ELP1: variants seen among roughly 807,000 people sequenced by gnomAD.
The protein encoded by ELP1 is elongator acetyltransferase complex subunit 1, also known as elongator complex protein 1.
A neutral mutation model predicts 183.2 loss-of-function variants in ELP1; 131 were observed. The ratio of observed to expected loss-of-function variants is 0.72; its 90% CI spans 0.62 to 0.83. The LOEUF (loss-of-function observed/expected upper bound fraction) is 0.83. Ranked by LOEUF, ELP1 falls within the 40% of genes least tolerant of loss-of-function variation. The pLI, the probability that ELP1 is intolerant of heterozygous loss-of-function variation, is 0.00. For synonymous variants in ELP1, 555 were observed against 569.0 expected (o/e 0.98, Z 0.35); for missense variants, 1,550 against 1,594.9 (o/e 0.97, Z 0.48).
In ELP1 at chr9:108,912,284, T is replaced by C. The variant is rs1273486554; in HGVS notation, c.1169A>G (p.Asn390Ser). 1.9e-6 allele frequency: 3 copies of C among 1,613,998 alleles called. No individual in the cohort carries two copies. Among genetic ancestry groups the C allele is most frequent in the East Asian group, 2.2e-5 (1 of 44,896 alleles). ...CTTACTTCCATCAATGACAGCCACA[T>C]TGGACAAGTCACTTGAATTATCTCC... ...SVGDNSSDLS[N>S]VAVIDGNRVL... The change falls in exon 11 of 37, where the codon AAT becomes AGT. Residue 390 changes from asparagine to serine, a missense_variant. Asn to Ser is a conservative substitution (Grantham distance 46). Transcript: ENST00000374647.
chr9:108,893,039 T>C lies in ELP1; in HGVS notation c.2905A>G (p.Asn969Asp), dbSNP rs1003549159. 1 of 1,613,842 alleles carries C rather than the reference T, an allele frequency of 6.2e-7. No individual in the cohort carries two copies. Among genetic ancestry groups the C allele is most frequent in the African/African-American group, 1.3e-5 (1 of 74,896 alleles). ...PECLNLIKDK[N>D]LYNEALKLYS... ...AACTTCAGAGCTTCGTTATACAAGTTTTTATCTTTTATCAAGTTTAAGCAT... is the reference window on the plus strand; with the variant it reads ...AACTTCAGAGCTTCGTTATACAAGTCTTTATCTTTTATCAAGTTTAAGCAT... Residue 969 changes from asparagine to aspartate, a missense_variant, in exon 27 of 37, where the codon AAC (asparagine) becomes GAC (aspartate). Transcript: ENST00000374647.
intron 10 of ELP1, among the ~76,000 whole-genome samples, chr9:108,913,303 A>T (rs988101443): frequency 6.6e-6 from 1 of 152,206 alleles, no homozygotes; most frequent in African/African-American, 2.4e-5. Context: ...CTATCTGGGT[A>T]TTAATCCTGA....
intron 5 of ELP1, among the ~76,000 whole-genome samples, chr9:108,924,218 T>C (rs1341515539): frequency 6.6e-6 from 1 of 152,184 alleles, no homozygotes; most frequent in Admixed American, 6.5e-5. Flanking sequence ...TACTGGAACA[T>C]AGATGTGCTT....
At chr9:108,914,832 A>G (rs1829371115) in intron 10 of ELP1, among the ~76,000 whole-genome samples, 1 of 152,108 alleles carries the variant, frequency 6.6e-6, no homozygotes, top group South Asian at 2.1e-4. Flanking sequence ...ACACCGTGTT[A>G]GCCAGGATGG....
At chr9:108,890,906 G>A (rs1298663711) in intron 28 of ELP1, among the ~76,000 whole-genome samples, 1 of 152,158 alleles carries the variant, frequency 6.6e-6, no homozygotes, top group African/African-American at 2.4e-5. Context: ...CTTCCCCACA[G>A]CTGTGGAGAT....
chr9:108,882,015 T>G, intron 30 of ELP1, 110 bp downstream of exon 30: 1 of 898,200 alleles, frequency 1.1e-6, no homozygotes, highest in Non-Finnish European at 1.8e-6. Context: ...CTGACCTATT[T>G]CTACTTATTT....
intron 36 of ELP1, among the ~76,000 whole-genome samples, chr9:108,871,224 T>A (rs910119973): frequency 2.0e-5 from 3 of 152,058 alleles, no homozygotes; most frequent in Non-Finnish European, 4.4e-5. Flanking sequence ...TTCTATAGAG[T>A]ACTGTTTGTA....
intron 12 of ELP1, 73 bp from the exon 13 acceptor site, chr9:108,908,477 G>T: frequency 9.0e-7 from 1 of 1,106,716 alleles, no homozygotes; most frequent in Non-Finnish European, 1.4e-6. Context: ...GATGGTGTCT[G>T]CAATTAATGA....
In ELP1 at chr9:108,878,640, T is replaced by C; in HGVS notation, c.3683A>G (p.Asn1228Ser). Residue 1228 changes from asparagine (N) to serine (S), a missense_variant, in exon 34 of 37, where the codon AAC (asparagine) becomes AGC (serine). Asn to Ser is a conservative substitution (Grantham distance 46). Coordinates refer to ENST00000374647, the MANE Select transcript of ELP1 (RefSeq NM_003640.5). ...LLEALSEVVQNTENLKDEVYH... is the reference protein window; with the variant it reads ...LLEALSEVVQSTENLKDEVYH... ...GAATATACCTTTCAGGTTTTCAGTG[T>C]TCTGCACCACTTCACTCAGTGCCTC... is the stretch of plus-strand genomic sequence containing the variant. The C allele has an allele frequency of 6.2e-7, 1 of 1,614,232 alleles. No individual in the cohort carries two copies. The highest frequency in any genetic ancestry group is 8.5e-7 in the Non-Finnish European group (1 of 1,180,046).
chr9:108,890,864 ACCATGATTCTAACTTCTCC>A (rs747654408), intron 28 of ELP1, among the ~76,000 whole-genome samples: 1 of 152,232 alleles, frequency 6.6e-6, no homozygotes, highest in Non-Finnish European at 1.5e-5. Context: ...TAAATGTTTT[ACCATGATTCTAACTTCTCC>A]CCACTCTCCT....
intron 3 of ELP1, among the ~76,000 whole-genome samples, chr9:108,928,023 A>G (rs1829874031): frequency 6.6e-6 from 1 of 152,184 alleles, no homozygotes. Flanking sequence ...AAAATAACTA[A>G]AAGACTGTAA....
chr9:108,875,039 C>A, intron 35 of ELP1, 69 bp from the exon 36 acceptor site: 1 of 1,014,290 alleles, frequency 9.9e-7, no homozygotes, highest in Non-Finnish European at 1.6e-6. Context: ...TACCAAAGGC[C>A]AAATCCCTAC....
intron 36 of ELP1, among the ~76,000 whole-genome samples, chr9:108,871,039 G>T (rs777947473): frequency 7.6e-6 from 1 of 132,448 alleles, no homozygotes; most frequent in Non-Finnish European, 1.5e-5. Context: ...ATTGGCTGTC[G>T]TAAAGCCTGT....
chr9:108,897,749 G>A (rs1828613412), intron 22 of ELP1, among the ~76,000 whole-genome samples: 1 of 152,176 alleles, frequency 6.6e-6, no homozygotes, highest in Non-Finnish European at 1.5e-5. Context: ...AGTTGCCTGG[G>A]GAATGGGACA....
At chr9:108,925,919 CAG>C (rs1189758805) in intron 5 of ELP1, among the ~76,000 whole-genome samples, 1 of 152,196 alleles carries the variant, frequency 6.6e-6, no homozygotes, top group Admixed American at 6.5e-5. Flanking sequence ...AATGATTTCT[CAG>C]AGTTGATGGA....
At chr9:108,911,925 G>C (rs546368119) in intron 11 of ELP1, among the ~76,000 whole-genome samples, 1 of 152,122 alleles carries the variant, frequency 6.6e-6, no homozygotes, top group African/African-American at 2.4e-5. Context: ...ATAAATCTGT[G>C]TCAGGGCAAA....
chr9:108,880,014 T>C (rs761843947), intron 32 of ELP1, 38 bp downstream of exon 32: 1 of 1,287,402 alleles, frequency 7.8e-7, no homozygotes, highest in Non-Finnish European at 1.1e-6. Flanking sequence ...CCAACCCCAC[T>C]GCCCCCGCAC....
At chr9:108,870,195 T>C (rs1420330097) in intron 36 of ELP1, among the ~76,000 whole-genome samples, 1 of 152,094 alleles carries the variant, frequency 6.6e-6, no homozygotes, top group Non-Finnish European at 1.5e-5. Context: ...TCAAAACTCC[T>C]GGTCTCGTTC....
At chr9:108,892,798 G>A (rs564633767) in intron 27 of ELP1, among the ~76,000 whole-genome samples, 188 bp downstream of exon 27, 51 of 152,274 alleles carry the variant, frequency 3.3e-4, no homozygotes, top group Middle Eastern at 6.8e-3. Context: ...AGGTGCTGTG[G>A]TATTCCAGAT....
Sources: gnomAD v4.1 joint callset for allele counts (sites outside exome capture counted in the v4.1 genomes callset) on GRCh38, gnomAD v4.1.1 for gene constraint, MANE v1.5 for transcripts, NCBI Gene and HGNC (gene_info 2026-07-23, HGNC 2026-07-21) for gene names.